Variants in WAC observed in about 807,000 individuals in gnomAD.
WAC encodes WW domain containing adaptor with coiled-coil.
In WAC, 11 loss-of-function variants were observed where a neutral mutation model predicts 79.6. That is an observed-to-expected ratio of 0.14 (90% confidence interval 0.09 to 0.23). WAC has a LOEUF of 0.23. WAC is among the 10% of genes least tolerant of loss of function. The probability of loss-of-function intolerance (pLI) is 1.00; values close to 1 mark genes in which losing one functional copy is unlikely to be tolerated. For synonymous variants in WAC, 304 were observed against 276.9 expected, an observed-to-expected ratio of 1.10 and a Z score of -0.97; for missense variants, 728 against 773.5, an observed-to-expected ratio of 0.94 and a Z score of 0.70.
Position 28,616,176 on chromosome 10 carries a change from C to G in WAC, c.1560C>G (p.Ser520Arg). 5 of 1,590,260 alleles carry G rather than the reference C, an allele frequency of 3.1e-6. No individual in the cohort carries two copies. The highest frequency in any genetic ancestry group is 3.4e-6 in the Non-Finnish European group (4 of 1,164,730). Residue 520 changes from serine to arginine, a missense_variant, in exon 12 of 14, where the codon AGC becomes AGG. Physicochemically the swap from Ser to Arg is moderately radical, Grantham distance 110. Around this residue, in one of 3 missense-constraint regions of WAC, gnomAD observed 648 missense variants for 661.5 expected, o/e 0.98. Coordinates refer to ENST00000354911, the MANE Select transcript of WAC (RefSeq NM_016628.5). ...VSPRSLQRSS[S>R]QRSPSPGPNH... ...CACATTCAATTCTGTTTTCTAGTAGCCAGAGAAGTCCATCACCTGGTCCCA... is the reference window on the plus strand; with the variant it reads ...CACATTCAATTCTGTTTTCTAGTAGGCAGAGAAGTCCATCACCTGGTCCCA...
chr10:28,582,454 C>T (rs1444383077), intron 3 of WAC, among the ~76,000 whole-genome samples: 1 of 152,144 alleles, frequency 6.6e-6, no homozygotes, highest in African/African-American at 2.4e-5. Flanking sequence ...CTCATTTCTG[C>T]TTTTATCCAC....
At chr10:28,603,072 G>T (rs558377835) in intron 7 of WAC, among the ~76,000 whole-genome samples, 7 of 152,222 alleles carry the variant, frequency 4.6e-5, no homozygotes, top group Non-Finnish European at 7.4e-5. Flanking sequence ...GCACACACAA[G>T]TCAACACTAG....
chr10:28,610,919 T>TG (rs1470888988), intron 9 of WAC, 98 bp downstream of exon 9: 8 of 1,340,776 alleles, frequency 6.0e-6, no homozygotes, highest in Non-Finnish European at 6.9e-6. Flanking sequence ...TTCATTTTTT[T>TG]TTTTAGTTTT....
intron 3 of WAC, among the ~76,000 whole-genome samples, chr10:28,548,253 A>G (rs1233993128): frequency 6.6e-6 from 1 of 152,094 alleles, no homozygotes; most frequent in Non-Finnish European, 1.5e-5. Context: ...GACCCTGGAC[A>G]ATACCCTGAA....
Position 28,611,882 on chromosome 10 carries a change from A to G in WAC, c.1397A>G (p.Lys466Arg), listed in dbSNP as rs370437331. 41 of 1,614,046 alleles carry G rather than the reference A, an allele frequency of 2.5e-5. No homozygotes were observed. The highest frequency in any genetic ancestry group is 3.4e-5 in the Non-Finnish European group (40 of 1,180,036). ...STPQTNTVPI[K>R]PLISTPPVSS... ...CCTCAAACTAACACAGTCCCTATCA[A>G]ACCTTTGATCAGTACTCCTCCTGTT... is the stretch of plus-strand genomic sequence containing the variant. Residue 466 changes from lysine (K) to arginine (R), a missense_variant, in exon 10 of 14, where the codon AAA (lysine) becomes AGA (arginine). Around this residue, in one of 3 missense-constraint regions of WAC, gnomAD observed 648 missense variants for 661.5 expected, o/e 0.98. Transcript: ENST00000354911.
intron 3 of WAC, among the ~76,000 whole-genome samples, chr10:28,547,758 T>C (rs1173158336): frequency 6.6e-6 from 1 of 152,128 alleles, no homozygotes. Context: ...ACTCCTAATT[T>C]ACTCTCCTAC....
rs182869100 is a variant in WAC, at chr10:28,612,010, C to T, written c.1437+88C>T. ...TTTAGAATCTGTTATAGAAAAAGCC[C>T]TCTGAGAATGAGGTGTAGTGGTGGA... is the stretch of plus-strand genomic sequence containing the variant. On this transcript the variant is annotated intron_variant, in intron 10 of 13. Transcript: ENST00000354911. 18 of 1,491,208 alleles carry T rather than the reference C, an allele frequency of 1.2e-5. No individual in the cohort carries two copies. The East Asian group carries it at 3.6e-4, about 30-fold the overall frequency. 92.4% of individuals were successfully genotyped at this position (1,491,208 alleles called of 1,614,324 possible). A position where few individuals can be genotyped will look rare whatever the true frequency, so the allele number is the denominator to read the frequency against.
At chr10:28,538,581 C>CAAAAAA (rs34777121) in intron 3 of WAC, among the ~76,000 whole-genome samples, 1 of 98,290 alleles carries the variant, frequency 1.0e-5, no homozygotes, top group Non-Finnish European at 2.0e-5. Flanking sequence ...GACCCTGTCT[C>CAAAAAA]AAAAAAAAAA....
chr10:28,607,399 G>A (rs1016620408), intron 7 of WAC, among the ~76,000 whole-genome samples: 14 of 152,110 alleles, frequency 9.2e-5, no homozygotes, highest in Non-Finnish European at 2.1e-4. Flanking sequence ...TTGTCAAATA[G>A]TATTAACAGT....
intron 6 of WAC, chr10:28,591,049 A>G (rs548310176): frequency 1.9e-5 from 9 of 472,876 alleles, no homozygotes; most frequent in African/African-American, 6.1e-5. Context: ...CCCACTACAC[A>G]TTATGGCTAT....
chr10:28,596,638 TGGAA>T (rs1345160136), intron 7 of WAC, among the ~76,000 whole-genome samples: 2 of 152,202 alleles, frequency 1.3e-5, no homozygotes, highest in Admixed American at 6.5e-5. Flanking sequence ...AACAACTACT[TGGAA>T]GGTGTGACAC....
intron 3 of WAC, among the ~76,000 whole-genome samples, chr10:28,566,539 T>A (rs1431927377): frequency 6.6e-6 from 1 of 152,348 alleles, no homozygotes; most frequent in Admixed American, 6.5e-5. Flanking sequence ...ATTTTTCTTA[T>A]GATTGTCTGT....
intron 3 of WAC, among the ~76,000 whole-genome samples, chr10:28,536,463 CTA>C (rs1441404461): frequency 1.3e-5 from 2 of 152,248 alleles, no homozygotes; most frequent in Non-Finnish European, 1.5e-5. Flanking sequence ...CAATGATAAA[CTA>C]TGAATTTAAA....
chr10:28,558,853 T>A (rs556081954), intron 3 of WAC, among the ~76,000 whole-genome samples: 36 of 152,342 alleles, frequency 2.4e-4, no homozygotes, highest in African/African-American at 8.2e-4. Flanking sequence ...TACAGTTGGC[T>A]GGCCCTTAGA....
intron 6 of WAC, among the ~76,000 whole-genome samples, chr10:28,592,140 G>A (rs2132685398): frequency 6.6e-6 from 1 of 152,188 alleles, no homozygotes; most frequent in East Asian, 1.9e-4. Flanking sequence ...TACTGAAGTT[G>A]GCATATTAAA....
At chr10:28,618,124 C>T (rs916571506) in intron 13 of WAC, 1 of 175,828 alleles carries the variant, frequency 5.7e-6, no homozygotes. Context: ...TTTGTCCTTG[C>T]ATCATCAATA....
intron 3 of WAC, among the ~76,000 whole-genome samples, chr10:28,551,171 A>G (rs1837647297): frequency 6.6e-6 from 1 of 152,172 alleles, no homozygotes; most frequent in Non-Finnish European, 1.5e-5. Context: ...ATATTCAGTA[A>G]GCTTTTTGAA....
intron 10 of WAC, among the ~76,000 whole-genome samples, chr10:28,613,018 C>T (rs185819616): frequency 1.2e-3 from 185 of 152,184 alleles, no homozygotes; most frequent in Non-Finnish European, 2.0e-3. Flanking sequence ...CGCGGTGGCT[C>T]ACAGCTATAA....
chr10:28,595,419 G>T (rs916345997), intron 6 of WAC, among the ~76,000 whole-genome samples: 2 of 140,788 alleles, frequency 1.4e-5, no homozygotes, highest in African/African-American at 4.9e-5. Flanking sequence ...TCCATATGTT[G>T]ATTTTTTTTT....
Sources: allele counts gnomAD v4.1 joint callset (sites outside exome capture counted in the v4.1 genomes callset), GRCh38; gene constraint gnomAD v4.1.1; regional missense constraint gnomAD v4.1.1; transcripts MANE v1.5; gene names NCBI Gene and HGNC (gene_info 2026-07-23, HGNC 2026-07-21).